Variants in C10orf90 observed in about 807,000 individuals in gnomAD.
C10orf90 encodes (E2-independent) E3 ubiquitin-conjugating enzyme FATS.
Under a neutral mutation model 62.5 loss-of-function variants are expected in C10orf90, and 56 were observed. That is an observed-to-expected ratio of 0.90 (90% CI 0.72 to 1.12). The LOEUF (loss-of-function observed/expected upper bound fraction) is 1.12, where lower values mean the gene tolerates loss of function less well. Ranked by LOEUF, C10orf90 falls within the 50% of genes most tolerant of loss-of-function variation. The pLI is 0.00. For synonymous variants in C10orf90, 386 were observed against 340.4 expected (o/e 1.13, Z -1.47); for missense variants, 970 against 880.4 (o/e 1.10, Z -1.29).
chr10:126,504,123 A>T lies in C10orf90; in HGVS notation c.1368T>A (p.Ala456=). 6.2e-7 allele frequency: 1 copy of T among 1,614,110 alleles called. No individual in the cohort carries two copies. The highest frequency in any genetic ancestry group is 8.5e-7 in the Non-Finnish European group (1 of 1,180,022). The change falls in exon 4 of 10, where the codon GCT becomes GCA. Residue 456 remains alanine (A), a synonymous_variant. Transcript: ENST00000488181. This position sits in a 1 kb window ranked among gnomAD's most constrained non-coding sequence, Gnocchi z 4.1. ...ATGGAAAAGAACCACTCCAAGGACA[A>T]GCGCCGGTCCCCAAATGCACCCGCC... ...SLRRVHLGTG[A]CPWSGSFPLE...
intron 2 of C10orf90, among the ~76,000 whole-genome samples, chr10:126,521,986 C>T (rs1863765074): frequency 2.0e-5 from 3 of 152,182 alleles, no homozygotes; most frequent in African/African-American, 7.2e-5. Context: ...ATAGCACCGG[C>T]AGCCTGGCGT....
chr10:126,438,751 T>TTGTG (rs5788786), intron 7 of C10orf90, among the ~76,000 whole-genome samples: 8 of 150,974 alleles, frequency 5.3e-5, no homozygotes, highest in Admixed American at 2.6e-4. Context: ...TGTATGTATG[T>TTGTG]TGTGTGTGTG....
intron 1 of C10orf90, among the ~76,000 whole-genome samples, chr10:126,669,351 C>A (rs779525278): frequency 6.6e-6 from 1 of 152,192 alleles, no homozygotes; most frequent in African/African-American, 2.4e-5. Context: ...TGCTGGCTTC[C>A]TTCTGCCCAG....
At chr10:126,586,296 T>G (rs1315090524) in intron 2 of C10orf90, among the ~76,000 whole-genome samples, 1 of 152,190 alleles carries the variant, frequency 6.6e-6, no homozygotes, top group Admixed American at 6.5e-5. Flanking sequence ...ACCGGAGCCT[T>G]GAGCATGCCT....
At position 126,572,422 on chromosome 10, in the gene C10orf90, A is replaced by T. The variant is rs547411903; in HGVS notation, c.314-58483T>A. Among the ~76,000 whole-genome samples, 13 of 152,342 alleles carry T rather than the reference A, an allele frequency of 8.5e-5. No homozygotes were observed. The South Asian group carries it at 2.7e-3, about 32-fold the overall frequency. Reference sequence around the variant, plus strand: ...AGAATGGCTACTCCATAGACAGAGCAGCCCCAAGGGCTGCTGGTTGCTGAT... The same window carrying T: ...AGAATGGCTACTCCATAGACAGAGCTGCCCCAAGGGCTGCTGGTTGCTGAT... On this transcript the variant is annotated intron_variant, in intron 2 of 9. Coordinates refer to ENST00000488181, the MANE Select transcript of C10orf90 (RefSeq NM_001350921.2).
At chr10:126,559,203 T>C (rs969496785) in intron 2 of C10orf90, among the ~76,000 whole-genome samples, 1 of 152,386 alleles carries the variant, frequency 6.6e-6, no homozygotes, top group East Asian at 1.9e-4. Flanking sequence ...ATATTTTCAA[T>C]GTCACTCCTT....
chr10:126,516,876 T>TACCAGCATTCCTTGGCA (rs1863465540), intron 2 of C10orf90, among the ~76,000 whole-genome samples: 1 of 152,080 alleles, frequency 6.6e-6, no homozygotes, highest in Admixed American at 6.5e-5. Context: ...TTGTAGAGGC[T>TACCAGCATTCCTTGGCA]CACAGCCCCG....
chr10:126,490,826 A>C (rs1230687088), intron 4 of C10orf90, among the ~76,000 whole-genome samples: 1 of 152,106 alleles, frequency 6.6e-6, no homozygotes. Context: ...CATTGTACGA[A>C]AAGCCTTACC....
intron 2 of C10orf90, among the ~76,000 whole-genome samples, chr10:126,571,056 G>A (rs1457941381): frequency 6.6e-6 from 1 of 152,164 alleles, no homozygotes; most frequent in South Asian, 2.1e-4. Context: ...AGATGTGCTT[G>A]CCGCAGGAAA....
Position 126,464,891 on chromosome 10 carries a change from G to A in C10orf90, c.1630C>T (p.His544Tyr), listed in dbSNP as rs199706107. The part of the protein sequence containing the change: ...APPVEQKPTR[H>Y]FLPIGDSSPS... The stretch of plus-strand genomic sequence containing the variant: ...GAGCTATCCCCAATGGGAAGGAAAT[G>A]TCTAGTGGGCTTCTGTTCCACTGGA... Residue 544 changes from histidine (H) to tyrosine (Y), a missense_variant, in exon 5 of 10, where the codon CAT becomes TAT. Physicochemically the swap from His to Tyr is moderately conservative, Grantham distance 83. Transcript: ENST00000488181. 6.3e-5 allele frequency: 102 copies of A among 1,614,100 alleles called. No homozygotes were observed. In the African/African-American group the frequency reaches 9.9e-4, roughly 16 times the overall value.
intron 2 of C10orf90, among the ~76,000 whole-genome samples, chr10:126,598,265 AG>A (rs79451358): frequency 0.029 from 4,381 of 152,308 alleles, 80 homozygotes; most frequent in East Asian, 0.047. Context: ...CAGCAGCTGT[AG>A]GACTGGGTAA....
chr10:126,577,220 G>T (rs1564879411), intron 2 of C10orf90, among the ~76,000 whole-genome samples: 1 of 151,796 alleles, frequency 6.6e-6, no homozygotes, highest in East Asian at 1.9e-4. Context: ...TGATTCCTAT[G>T]CATTGTATAT....
At chr10:126,442,505 A>ATATATATATATATC (rs1590905259) in intron 7 of C10orf90, among the ~76,000 whole-genome samples, 2 of 111,110 alleles carry the variant, frequency 1.8e-5, no homozygotes, top group East Asian at 2.8e-4. Context: ...ATATATATAT[A>ATATATATATATATC]TATCTGTTAA....
chr10:126,535,328 T>A (rs1420292532), intron 2 of C10orf90, among the ~76,000 whole-genome samples: 1 of 151,956 alleles, frequency 6.6e-6, no homozygotes, highest in East Asian at 1.9e-4. Context: ...CCATCCTGGC[T>A]AACAAGGTGA....
At chr10:126,654,197 C>T (rs966145897) in intron 1 of C10orf90, among the ~76,000 whole-genome samples, 1 of 152,168 alleles carries the variant, frequency 6.6e-6, no homozygotes, top group South Asian at 2.1e-4. Context: ...GTCAGCCTGT[C>T]CTGTGGAAGC....
In C10orf90 at chr10:126,459,118, C is replaced by G. The variant is rs1312911946; in HGVS notation, c.2110G>C (p.Glu704Gln). ...MVQQRKAQRK[E>Q]DLRQKQSLLP... ...AGGCTCTGCTTCTGCCTCAGGTCCT[C>G]CTTCCGCTGGGCTTTCCTCTGCTGG... Residue 704 changes from glutamate to glutamine, a missense_variant, in exon 7 of 10, where the codon GAG becomes CAG. Transcript: ENST00000488181. The G allele has an allele frequency of 6.2e-7, 1 of 1,614,174 alleles. No individual in the cohort carries two copies. The highest frequency in any genetic ancestry group is 1.1e-5 in the South Asian group (1 of 91,088).
chr10:126,562,880 C>A (rs528171739), intron 2 of C10orf90, among the ~76,000 whole-genome samples: 1 of 152,220 alleles, frequency 6.6e-6, no homozygotes, highest in South Asian at 2.1e-4. Flanking sequence ...TCGCACACAG[C>A]GCAGAGACCA....
At chr10:126,600,319 G>A (rs564749222) in intron 2 of C10orf90, among the ~76,000 whole-genome samples, 50 of 152,326 alleles carry the variant, frequency 3.3e-4, no homozygotes, top group African/African-American at 1.1e-3. Flanking sequence ...CCTGGGAGAC[G>A]CTACAGAAAA....
At chr10:126,662,199 C>G (rs1846530142) in intron 1 of C10orf90, among the ~76,000 whole-genome samples, 1 of 152,088 alleles carries the variant, frequency 6.6e-6, no homozygotes. Flanking sequence ...TCTAGGGTAG[C>G]CTTTACTGAG....
Sources: allele counts gnomAD v4.1 joint callset (sites outside exome capture counted in the v4.1 genomes callset), GRCh38; gene constraint gnomAD v4.1.1; non-coding constraint Gnocchi (gnomAD v3.1); transcripts MANE v1.5; gene names NCBI Gene and HGNC (gene_info 2026-07-23, HGNC 2026-07-21).